The following RARB variants were observed in gnomAD, a reference collection of about 807,000 sequenced individuals.
The protein encoded by RARB is HBV-activated protein.
In RARB, 17 loss-of-function variants were observed where a neutral mutation model predicts 51.9. That is an observed-to-expected ratio of 0.33 (90% CI 0.22 to 0.49). The LOEUF is 0.49. Among genes scored for constraint, RARB ranks in the 20% least tolerant of loss-of-function variants. The pLI is 0.99. For synonymous variants in RARB, 215 were observed against 195.4 expected (o/e 1.10, Z -0.84); for missense variants, 369 against 550.8 (o/e 0.67, Z 3.30).
Position 24,835,021 on chromosome 3 carries a change from G to C in RARB, c.-459+5618G>C, listed in dbSNP as rs1040143033. ...TTTCCATTCTCTCTTCCCTTCTTCT[G>C]TCCCTTATCCTTTTAAATTGTCTTT... On this transcript the variant is annotated intron_variant, in intron 1 of 11. Coordinates refer to the RARB transcript ENST00000383772. Among the ~76,000 whole-genome samples the C allele has an allele frequency of 6.8e-5, 10 of 147,858 alleles. No individual in the cohort carries two copies. In the Admixed American group the frequency reaches 6.8e-4, roughly 10 times the overall value.
At chr3:24,831,628 T>C (rs1439280937) in intron 1 of RARB, among the ~76,000 whole-genome samples, 1 of 151,668 alleles carries the variant, frequency 6.6e-6, no homozygotes, top group Non-Finnish European at 1.5e-5. Context: ...AAATACATGA[T>C]GCTTATAGAT....
At chr3:25,365,404 GC>G (rs1706087864) in intron 5 of RARB, among the ~76,000 whole-genome samples, 1 of 151,696 alleles carries the variant, frequency 6.6e-6, no homozygotes, top group Non-Finnish European at 1.5e-5. Flanking sequence ...GAGCCACCAT[GC>G]CTGTCTCATC....
At chr3:25,128,896 C>G (rs138285293) in intron 3 of RARB, among the ~76,000 whole-genome samples, 3 of 151,882 alleles carry the variant, frequency 2.0e-5, no homozygotes, top group East Asian at 1.9e-4. Context: ...TAGAATCTGT[C>G]GAAGAGAGGA....
At chr3:25,136,107 C>T (rs1260664987) in intron 4 of RARB, among the ~76,000 whole-genome samples, 1 of 151,926 alleles carries the variant, frequency 6.6e-6, no homozygotes, top group Non-Finnish European at 1.5e-5. Flanking sequence ...GAATAACGTG[C>T]TGTCCGAAAA....
At chr3:25,566,135 A>G (rs1700484958) in intron 3 of RARB, among the ~76,000 whole-genome samples, 1 of 152,128 alleles carries the variant, frequency 6.6e-6, no homozygotes, top group African/African-American at 2.4e-5. Flanking sequence ...TGTCACCTCC[A>G]TGATTCTGGT....
Position 24,989,708 on chromosome 3 carries a change from C to T in RARB, c.-379-70417C>T, listed in dbSNP as rs1295309778. Among the ~76,000 whole-genome samples the T allele has an allele frequency of 4.8e-5, 5 of 103,324 alleles. 2 individuals are homozygous for T. The highest frequency in any genetic ancestry group is 9.6e-5 in the Non-Finnish European group (5 of 52,174). The allele number at this position is 103,324 out of a possible 152,430, so 67.8% of individuals were successfully genotyped here. On this transcript the variant is annotated intron_variant, in intron 2 of 11. Transcript: ENST00000383772. Reference sequence around the variant, plus strand: ...AAGCCTTTATGAATCATGCACAAAGCACAGATAGGTGCCCAGTCTATAGCT... The same window carrying T: ...AAGCCTTTATGAATCATGCACAAAGTACAGATAGGTGCCCAGTCTATAGCT...
At chr3:24,844,119 G>C (rs1702456202) in intron 1 of RARB, among the ~76,000 whole-genome samples, 1 of 152,178 alleles carries the variant, frequency 6.6e-6, no homozygotes. Flanking sequence ...GGCAGCCCTA[G>C]AAGGGCCTGG....
intron 5 of RARB, among the ~76,000 whole-genome samples, chr3:25,232,006 TAA>T (rs1702189003): frequency 6.6e-6 from 1 of 151,644 alleles, no homozygotes; most frequent in Non-Finnish European, 1.5e-5. Flanking sequence ...TTAAAAGTGA[TAA>T]AGTTTTATGC....
rs189183619 is a variant in RARB at position 25,072,822 on chromosome 3, C to T, written c.-328+12646C>T. Among the ~76,000 whole-genome samples the T allele has an allele frequency of 3.1e-3, 479 of 152,134 alleles. 1 individual carries two copies. Among genetic ancestry groups the T allele is most frequent in the African/African-American group, 0.011 (459 of 41,504 alleles). ...CTCCTGGGTTCACGCCATTCTCCTG[C>T]CTCAGCCTGCCGAGTAGCTGGGACT... On this transcript the variant is annotated intron_variant, in intron 3 of 11. Transcript: ENST00000383772.
chr3:24,960,616 A>C (rs1456675011), intron 2 of RARB, among the ~76,000 whole-genome samples: 1 of 152,228 alleles, frequency 6.6e-6, no homozygotes, highest in Non-Finnish European at 1.5e-5. Context: ...AAATTGAAAT[A>C]TGTGATCTAT....
intron 2 of RARB, among the ~76,000 whole-genome samples, chr3:24,940,373 A>G (rs899563264): frequency 6.6e-6 from 1 of 152,168 alleles, no homozygotes; most frequent in African/African-American, 2.4e-5. Context: ...TAGAGAGGAG[A>G]TTCAGTGTGG....
intron 2 of RARB, among the ~76,000 whole-genome samples, chr3:24,924,972 T>C (rs1695287313): frequency 1.3e-5 from 2 of 152,096 alleles, no homozygotes; most frequent in Non-Finnish European, 2.9e-5. Context: ...CAATGCAAGC[T>C]TATATCACCT....
At chr3:25,469,780 T>C (rs947992426) in intron 2 of RARB, among the ~76,000 whole-genome samples, 1 of 152,110 alleles carries the variant, frequency 6.6e-6, no homozygotes, top group Non-Finnish European at 1.5e-5. Context: ...GCCTGTCCAA[T>C]AATAGGGATG....
intron 5 of RARB, among the ~76,000 whole-genome samples, chr3:25,582,876 AT>A (rs1701235570): frequency 6.6e-6 from 1 of 152,256 alleles, no homozygotes; most frequent in South Asian, 2.1e-4. Flanking sequence ...TCAACAAGGC[AT>A]TAAATAAGGT....
At chr3:24,839,964 G>T (rs1299693845) in intron 1 of RARB, among the ~76,000 whole-genome samples, 1 of 152,182 alleles carries the variant, frequency 6.6e-6, no homozygotes, top group African/African-American at 2.4e-5. Context: ...CAGGGGATTG[G>T]ATGGTATCAT....
chr3:25,118,563 G>T (rs1233856882), intron 3 of RARB, among the ~76,000 whole-genome samples: 1 of 152,148 alleles, frequency 6.6e-6, no homozygotes, highest in Non-Finnish European at 1.5e-5. Flanking sequence ...TATACTGCTG[G>T]ATCAGTAATG....
chr3:25,396,519 G>A (rs1456029117), intron 5 of RARB, among the ~76,000 whole-genome samples: 1 of 152,190 alleles, frequency 6.6e-6, no homozygotes, highest in African/African-American at 2.4e-5. Context: ...ATCAGCTGTG[G>A]TAGTATAGTG....
At chr3:25,009,892 C>G (rs1218444897) in intron 2 of RARB, among the ~76,000 whole-genome samples, 1 of 152,076 alleles carries the variant, frequency 6.6e-6, no homozygotes, top group Non-Finnish European at 1.5e-5. Context: ...GATAATTTAA[C>G]TGAACCCGAT....
intron 4 of RARB, among the ~76,000 whole-genome samples, chr3:25,163,152 G>C (rs1452282141): frequency 2.6e-5 from 4 of 152,114 alleles, no homozygotes; most frequent in Non-Finnish European, 4.4e-5. Flanking sequence ...TAAGGATTTA[G>C]AGTCCAGTCA....
Sources: allele counts gnomAD v4.1 joint callset (sites outside exome capture counted in the v4.1 genomes callset), GRCh38; gene constraint gnomAD v4.1.1; transcripts MANE v1.5; gene names NCBI Gene and HGNC (gene_info 2026-07-23, HGNC 2026-07-21).